F8: variants seen among roughly 807,000 people sequenced by gnomAD.
The protein encoded by F8 is antihemophilic factor.
A neutral mutation model predicts 140.6 loss-of-function variants in F8; 12 were observed. The ratio of observed to expected loss-of-function variants is 0.09; its 90% confidence interval spans 0.05 to 0.14. F8 has a LOEUF of 0.14. Ranked by LOEUF, F8 falls within the 10% of genes least tolerant of loss-of-function variation. The pLI, the probability that F8 is intolerant of heterozygous loss-of-function variation, is 1.00. For missense variants in F8, 1,354 were observed against 1,720.7 expected, an observed-to-expected ratio of 0.79 and a Z score of 3.77; for synonymous variants, 585 against 614.6, an observed-to-expected ratio of 0.95 and a Z score of 0.71.
In F8 at chrX:154,928,990, T is replaced by G; in HGVS notation, c.4800A>C (p.Lys1600Asn). The G allele has an allele frequency of 8.3e-7, 1 of 1,211,940 alleles. No individual in the cohort carries two copies. Among genetic ancestry groups the G allele is most frequent in the East Asian group, 3.0e-5 (1 of 33,868 alleles). ...TTTTTTCTGGTGACTTCTCTTGGGA[T>G]TTCCACTCTTCTTTTGGTATCTGAG... Reference protein sequence around the residue: ...YGTQIPKEEWKSQEKSPEKTA... With the variant: ...YGTQIPKEEWNSQEKSPEKTA... The change falls in exon 14 of 26, where the codon AAA (lysine) becomes AAC (asparagine). Residue 1600 changes from lysine (K) to asparagine (N), a missense_variant. Lys to Asn is a moderately conservative substitution (Grantham distance 94). Coordinates refer to ENST00000360256, the MANE Select transcript of F8 (RefSeq NM_000132.4).
Position 154,954,086 on chromosome X carries a change from T to C in F8, c.1753-44A>G, listed in dbSNP as rs187684163. The C allele has an allele frequency of 7.0e-4, 813 of 1,160,638 alleles. 4 individuals are homozygous for C. In the African/African-American group the frequency reaches 0.013, roughly 19 times the overall value. On this transcript the variant is annotated intron_variant, in intron 11 of 25. Coordinates refer to ENST00000360256, the MANE Select transcript of F8 (RefSeq NM_000132.4). ...GAAAGGGGTAAAGAAATGCTACTGA[T>C]GTTGTCAGGTAGGAGCTAGCAGTCT...
chrX:155,020,106 G>A (rs994568202), intron 1 of F8, among the ~76,000 whole-genome samples: 1 of 110,579 alleles, frequency 9.0e-6, no homozygotes, highest in East Asian at 2.8e-4. Context: ...GAATAGTGAG[G>A]ATTGCTTTCA....
intron 14 of F8, among the ~76,000 whole-genome samples, chrX:154,920,711 C>T (rs917754830): frequency 1.8e-5 from 2 of 111,748 alleles, no homozygotes; most frequent in African/African-American, 6.5e-5. Context: ...CCTTGGCCCC[C>T]ACAAAGTGTT....
At chrX:155,003,491 T>C (rs1407390772) in intron 1 of F8, among the ~76,000 whole-genome samples, 3 of 107,501 alleles carry the variant, frequency 2.8e-5, no homozygotes, top group African/African-American at 1.0e-4. Flanking sequence ...GTCCAAAAAC[T>C]GTGGAACAAC....
chrX:155,022,118 C>T (rs1603437834), intron 1 of F8, among the ~76,000 whole-genome samples: 1 of 111,525 alleles, frequency 9.0e-6, no homozygotes, highest in African/African-American at 3.3e-5. Flanking sequence ...TGTCTTTGTC[C>T]CTTCACCCTC....
At chrX:154,998,373 G>T (rs782200171) in intron 2 of F8, among the ~76,000 whole-genome samples, 5 of 113,128 alleles carry the variant, frequency 4.4e-5, no homozygotes, top group East Asian at 2.8e-4. Flanking sequence ...GACCTGCCAA[G>T]GTAGGAGCAA....
At chrX:154,982,402 T>G (rs782431107) in intron 6 of F8, among the ~76,000 whole-genome samples, 17 of 98,113 alleles carry the variant, frequency 1.7e-4, no homozygotes, top group Non-Finnish European at 2.0e-4. Flanking sequence ...GAGCTGAGAT[T>G]GCGCCACTGC....
intron 22 of F8, among the ~76,000 whole-genome samples, chrX:154,867,909 A>G (rs2072744594): frequency 9.0e-6 from 1 of 110,743 alleles, no homozygotes; most frequent in Admixed American, 9.7e-5. Flanking sequence ...TCAATGTGAT[A>G]TACCACATTA....
At chrX:155,010,250 G>T (rs2073700042) in intron 1 of F8, among the ~76,000 whole-genome samples, 1 of 112,203 alleles carries the variant, frequency 8.9e-6, no homozygotes, top group African/African-American at 3.2e-5. Context: ...TTTTGTTTGT[G>T]TATTTCCTTT....
intron 6 of F8, among the ~76,000 whole-genome samples, chrX:154,978,815 C>G (rs1292737329): frequency 3.6e-5 from 4 of 110,741 alleles, no homozygotes; most frequent in Non-Finnish European, 7.6e-5. Context: ...GGTTTTGATT[C>G]TCGGTGAATG....
chrX:154,978,601 T>G (rs781941967), intron 6 of F8, among the ~76,000 whole-genome samples: 1 of 112,289 alleles, frequency 8.9e-6, no homozygotes, highest in South Asian at 3.7e-4. Context: ...TCTTAAATTT[T>G]TTTTATTTGG....
At chrX:154,958,762 C>T (rs112834085) in intron 10 of F8, among the ~76,000 whole-genome samples, 2,443 of 110,871 alleles carry the variant, frequency 0.022, 22 homozygotes, top group Middle Eastern at 0.046. Context: ...TACAGGCACA[C>T]GCCACAATGC....
At chrX:154,895,736 C>T (rs28370225) in intron 22 of F8, among the ~76,000 whole-genome samples, 7,563 of 111,137 alleles carry the variant, frequency 0.068, 621 homozygotes, top group African/African-American at 0.24. Context: ...GGTTTTGCCC[C>T]CTAAACTTGT....
intron 22 of F8, among the ~76,000 whole-genome samples, chrX:154,877,075 T>C (rs782778536): frequency 8.9e-6 from 1 of 112,260 alleles, no homozygotes; most frequent in Non-Finnish European, 1.9e-5. Context: ...AAAGTTTATG[T>C]TGAACTTAAG....
At chrX:155,020,432 A>C (rs1362223528) in intron 1 of F8, among the ~76,000 whole-genome samples, 1 of 112,336 alleles carries the variant, frequency 8.9e-6, no homozygotes, top group Non-Finnish European at 1.9e-5. Flanking sequence ...AAAATCTGGG[A>C]GATTACACGT....
intron 3 of F8, among the ~76,000 whole-genome samples, chrX:154,994,335 T>C (rs1363313101): frequency 8.9e-6 from 1 of 112,029 alleles, no homozygotes; most frequent in Non-Finnish European, 1.9e-5. Context: ...ATTGCCCACA[T>C]AAACAAAATG....
rs1557271007 is a variant in F8, at chrX:154,837,499, GATT to G, written c.*95_*97del. The G allele has an allele frequency of 3.1e-6, 3 of 983,589 alleles. No individual in the cohort carries two copies. Among genetic ancestry groups the G allele is most frequent in the Non-Finnish European group, 4.2e-6 (3 of 709,948 alleles). 81.1% of individuals were successfully genotyped at this position (983,589 alleles called of 1,213,427 possible). A position where few individuals can be genotyped will look rare whatever the true frequency, so the allele number is the denominator to read the frequency against. On this transcript the variant is annotated 3_prime_UTR_variant, in exon 26 of 26. Transcript: ENST00000360256. The stretch of plus-strand genomic sequence containing the variant: ...GAGGCTTCAAGGCAGTGTCTGCTAG[GATT>G]TAGCACAAAGGTAGAAGGCAAGCCA...
At chrX:154,927,345 T>G (rs1489900599) in intron 14 of F8, among the ~76,000 whole-genome samples, 2 of 111,121 alleles carry the variant, frequency 1.8e-5, no homozygotes, top group African/African-American at 6.5e-5. Flanking sequence ...AGAGATAAAT[T>G]GATGATGTAA....
chrX:154,959,442 A>G (rs1468007305), intron 10 of F8, among the ~76,000 whole-genome samples: 1 of 112,213 alleles, frequency 8.9e-6, no homozygotes, highest in African/African-American at 3.2e-5. Flanking sequence ...TAAGAAGCTG[A>G]AAGGCCTAAG....
Sources: gnomAD v4.1 joint callset for allele counts (sites outside exome capture counted in the v4.1 genomes callset) on GRCh38, gnomAD v4.1.1 for gene constraint, MANE v1.5 for transcripts, NCBI Gene and HGNC (gene_info 2026-07-23, HGNC 2026-07-21) for gene names.